Variants in PPM1H observed in about 807,000 individuals in gnomAD.
The protein encoded by PPM1H is protein phosphatase, Mg2+/Mn2+ dependent 1H.
Under a neutral mutation model 54.9 loss-of-function variants are expected in PPM1H, and 27 were observed. That is an observed-to-expected ratio of 0.49 (90% confidence interval 0.36 to 0.68). The LOEUF (loss-of-function observed/expected upper bound fraction) is 0.68. Among genes scored for constraint, PPM1H ranks in the 30% least tolerant of loss-of-function variants. PPM1H has a pLI of 0.00. For synonymous variants in PPM1H, 305 were observed against 270.8 expected (o/e 1.13, Z -1.24); for missense variants, 596 against 667.8 (o/e 0.89, Z 1.19).
intron 4 of PPM1H, among the ~76,000 whole-genome samples, chr12:62,738,985 C>CGGGGCG (rs1260205486): frequency 3.3e-5 from 3 of 92,000 alleles, no homozygotes; most frequent in Admixed American, 9.9e-5. Flanking sequence ...AGTGGGGGGT[C>CGGGGCG]GGGGCGGGGG....
intron 9 of PPM1H, among the ~76,000 whole-genome samples, chr12:62,656,102 G>T (rs764421285): frequency 1.3e-4 from 20 of 152,202 alleles, no homozygotes; most frequent in Non-Finnish European, 2.9e-4. Context: ...GCGGAAGGAG[G>T]CCATAAATCC....
chr12:62,893,702 GTCTTGAGCT>G (rs1170821617), intron 1 of PPM1H, among the ~76,000 whole-genome samples: 2 of 152,014 alleles, frequency 1.3e-5, no homozygotes, highest in Non-Finnish European at 2.9e-5. Flanking sequence ...GCCCAGGTTG[GTCTTGAGCT>G]TCTGGCCTCA....
intron 1 of PPM1H, among the ~76,000 whole-genome samples, chr12:62,904,810 G>A (rs577578129): frequency 8.9e-4 from 135 of 152,176 alleles, no homozygotes; most frequent in Middle Eastern, 3.4e-3. Context: ...AAATAGTAGC[G>A]TGCCCAAAAT....
chr12:62,760,235 C>T (rs891554873), intron 4 of PPM1H, among the ~76,000 whole-genome samples: 10 of 152,128 alleles, frequency 6.6e-5, no homozygotes, highest in African/African-American at 1.7e-4. Flanking sequence ...AGGTGCCTGA[C>T]GTCCAGGCAT....
intron 1 of PPM1H, among the ~76,000 whole-genome samples, chr12:62,879,042 T>C (rs1275705036): frequency 6.6e-6 from 1 of 152,242 alleles, no homozygotes; most frequent in Non-Finnish European, 1.5e-5. Flanking sequence ...TTCTGCTCTG[T>C]TGGAAGCTGA....
At chr12:62,878,296 T>G (rs1252895109) in intron 1 of PPM1H, among the ~76,000 whole-genome samples, 3 of 152,190 alleles carry the variant, frequency 2.0e-5, no homozygotes, top group Non-Finnish European at 2.9e-5. Flanking sequence ...GGAAACATGT[T>G]CTTCATCCCC....
At chr12:62,907,920 C>T (rs1213254645) in intron 1 of PPM1H, among the ~76,000 whole-genome samples, 1 of 152,164 alleles carries the variant, frequency 6.6e-6, no homozygotes, top group Admixed American at 6.5e-5. Flanking sequence ...AGTGTAAAGG[C>T]TTTAAAACCA....
At chr12:62,782,198 G>T (rs551789022) in intron 4 of PPM1H, among the ~76,000 whole-genome samples, 28 of 152,346 alleles carry the variant, frequency 1.8e-4, no homozygotes, top group South Asian at 1.2e-3. Flanking sequence ...AGGAGTTTCA[G>T]AAAGGATTTG....
rs2120590158 is a variant in PPM1H at position 62,755,454 on chromosome 12, C to A, written c.870-17868G>T. 7 of 690,764 alleles carry A rather than the reference C, an allele frequency of 1.0e-5. No homozygotes were observed. In the Admixed American group the frequency reaches 1.2e-4, roughly 12 times the overall value. The allele number at this position is 690,764 out of a possible 1,614,324, so 42.8% of individuals were successfully genotyped here. A position where few individuals can be genotyped will look rare whatever the true frequency, so the allele number is the denominator to read the frequency against. ...TCAACGAAAATCCTATCACCATCTT[C>A]CAGGAGCGAGATCCCTCCAAAATCA... On this transcript the variant is annotated intron_variant, in intron 4 of 9. Transcript: ENST00000228705.
At chr12:62,881,251 C>A (rs1870383428) in intron 1 of PPM1H, among the ~76,000 whole-genome samples, 1 of 152,198 alleles carries the variant, frequency 6.6e-6, no homozygotes, top group African/African-American at 2.4e-5. Context: ...CCGTCTGTAG[C>A]ACCCACATAC....
intron 1 of PPM1H, among the ~76,000 whole-genome samples, chr12:62,874,818 T>C (rs1309987584): frequency 2.0e-5 from 3 of 152,242 alleles, no homozygotes; most frequent in Non-Finnish European, 4.4e-5. Context: ...TTCCGTGCTT[T>C]ATGTTAATGT....
intron 1 of PPM1H, among the ~76,000 whole-genome samples, chr12:62,921,034 C>T (rs1312335724): frequency 1.3e-5 from 2 of 152,096 alleles, no homozygotes. Flanking sequence ...AAGCAATTCT[C>T]CTGCCTCAGC....
At chr12:62,808,043 G>A (rs1315477207) in intron 2 of PPM1H, among the ~76,000 whole-genome samples, 2 of 152,112 alleles carry the variant, frequency 1.3e-5, no homozygotes, top group Non-Finnish European at 2.9e-5. Flanking sequence ...TTGCTATGTT[G>A]CCCAGGCTAG....
At chr12:62,857,475 T>C (rs1869432825) in intron 1 of PPM1H, among the ~76,000 whole-genome samples, 1 of 152,196 alleles carries the variant, frequency 6.6e-6, no homozygotes. Flanking sequence ...ATTTATTGTA[T>C]TTATTCACAT....
At chr12:62,778,562 C>T (rs1055733623) in intron 4 of PPM1H, among the ~76,000 whole-genome samples, 2 of 152,104 alleles carry the variant, frequency 1.3e-5, no homozygotes, top group Non-Finnish European at 2.9e-5. Context: ...TCCTCGAGTG[C>T]CTGAAAGGGA....
intron 2 of PPM1H, among the ~76,000 whole-genome samples, chr12:62,804,713 TCG>T (rs1246001396): frequency 6.9e-6 from 1 of 144,570 alleles, no homozygotes; most frequent in Non-Finnish European, 1.5e-5. Context: ...TCTCGCTCTG[TCG>T]CCCAGGCTGG....
At chr12:62,819,466 G>A (rs961388008) in intron 2 of PPM1H, among the ~76,000 whole-genome samples, 6 of 152,128 alleles carry the variant, frequency 3.9e-5, no homozygotes, top group African/African-American at 1.4e-4. Flanking sequence ...AATGTTTATT[G>A]TTTCTGTATT....
chr12:62,913,092 A>G (rs1473326236), intron 1 of PPM1H, among the ~76,000 whole-genome samples: 1 of 152,220 alleles, frequency 6.6e-6, no homozygotes, highest in Non-Finnish European at 1.5e-5. Flanking sequence ...AAGCAAGGCT[A>G]TAGGTAAATT....
At chr12:62,807,338 A>C (rs74098858) in intron 2 of PPM1H, among the ~76,000 whole-genome samples, 2,298 of 152,368 alleles carry the variant, frequency 0.015, 56 homozygotes, top group African/African-American at 0.053. Flanking sequence ...GGTGAAAGTC[A>C]TGATGCTAAG....
Sources: allele counts gnomAD v4.1 joint callset (sites outside exome capture counted in the v4.1 genomes callset), GRCh38; gene constraint gnomAD v4.1.1; transcripts MANE v1.5; gene names NCBI Gene and HGNC (gene_info 2026-07-23, HGNC 2026-07-21).